The following MFN2 variants were observed in gnomAD, a reference collection of about 807,000 sequenced individuals.
MFN2 encodes mitofusin-2.
In MFN2, 43 loss-of-function variants were observed where a neutral mutation model predicts 87.5. The ratio of observed to expected loss-of-function variants is 0.49; its 90% CI spans 0.38 to 0.63. MFN2 has a LOEUF of 0.63. Among genes scored for constraint, MFN2 ranks in the 30% least tolerant of loss-of-function variants. The pLI, the probability that MFN2 is intolerant of heterozygous loss-of-function variation, is 0.00. For synonymous variants in MFN2, 337 were observed against 359.9 expected, an observed-to-expected ratio of 0.94 and a Z score of 0.72; for missense variants, 743 against 972.8, an observed-to-expected ratio of 0.76 and a Z score of 3.14.
intron 14 of MFN2, among the ~76,000 whole-genome samples, 191 bp from the exon 15 acceptor site, chr1:12,005,520 A>T (rs1639367543): frequency 6.6e-6 from 1 of 152,194 alleles, no homozygotes; most frequent in African/African-American, 2.4e-5. Context: ...CTGAGTCCAC[A>T]CTTGCCTGGG....
intron 5 of MFN2, among the ~76,000 whole-genome samples, 172 bp from the exon 6 acceptor site, chr1:11,997,125 A>G (rs1004317239): frequency 1.1e-4 from 17 of 152,194 alleles, no homozygotes; most frequent in African/African-American, 4.1e-4. Context: ...AGAGCAGTGA[A>G]GAAAGTGGGT....
At chr1:12,005,084 T>C (rs892895566) in intron 14 of MFN2, among the ~76,000 whole-genome samples, 157 bp downstream of exon 14, 1 of 152,176 alleles carries the variant, frequency 6.6e-6, no homozygotes, top group African/African-American at 2.4e-5. Context: ...TCTGAACTCA[T>C]TCTTGTTTGC....
chr1:12,008,494 C>T (rs1280571979), intron 17 of MFN2, among the ~76,000 whole-genome samples: 6 of 151,452 alleles, frequency 4.0e-5, no homozygotes, highest in South Asian at 2.1e-4. Flanking sequence ...CCGGACGGGG[C>T]GGCTGCTAGG....
At chr1:12,009,769 C>T in intron 18 of MFN2, 43 bp downstream of exon 18, 1 of 1,613,246 alleles carries the variant, frequency 6.2e-7, no homozygotes, top group Non-Finnish European at 8.5e-7. Flanking sequence ...CTCCAGGGTG[C>T]AGCCCAGGCA....
chr1:12,007,989 A>C (rs1639497032), intron 17 of MFN2, among the ~76,000 whole-genome samples: 1 of 152,054 alleles, frequency 6.6e-6, no homozygotes, highest in African/African-American at 2.4e-5. Flanking sequence ...CTGTTTAACA[A>C]AGCACACCTT....
At chr1:11,990,160 C>T (rs892267074) in intron 3 of MFN2, among the ~76,000 whole-genome samples, 1 of 152,168 alleles carries the variant, frequency 6.6e-6, no homozygotes, top group Admixed American at 6.6e-5. Context: ...GGGGGGCCAC[C>T]TTCTTTCCAT....
At chr1:11,986,023 T>C (rs1638389591) in intron 2 of MFN2, among the ~76,000 whole-genome samples, 1 of 152,182 alleles carries the variant, frequency 6.6e-6, no homozygotes, top group Non-Finnish European at 1.5e-5. Context: ...TGAGGAGGAA[T>C]GTAGAAACGG....
At chr1:12,006,812 T>TCTC in intron 16 of MFN2, 119 bp downstream of exon 16, 1 of 1,451,078 alleles carries the variant, frequency 6.9e-7, no homozygotes, top group Non-Finnish European at 9.6e-7. Context: ...CTGCATACTT[T>TCTC]CTCCTCTGTG....
At chr1:12,007,957 C>T (rs1272515894) in intron 17 of MFN2, among the ~76,000 whole-genome samples, 1 of 152,088 alleles carries the variant, frequency 6.6e-6, no homozygotes, top group Non-Finnish European at 1.5e-5. Context: ...TGACTCTTGA[C>T]AAGCATGCTG....
intron 2 of MFN2, among the ~76,000 whole-genome samples, chr1:11,987,831 G>A (rs995595977): frequency 6.6e-6 from 1 of 151,968 alleles, no homozygotes; most frequent in Non-Finnish European, 1.5e-5. Context: ...CATGCCTGTG[G>A]TCTCATGTAC....
In MFN2 at chr1:12,006,715, G is replaced by A. The variant is rs781230660; in HGVS notation, c.1872+22G>A. ...AGTGGTCAGTGACCAGTTCTGCTCG[G>A]GAAGGTGGGGGCGGAGGGCAGGTGG... is the stretch of plus-strand genomic sequence containing the variant. On this transcript the variant is annotated intron_variant, in intron 16 of 18. Coordinates refer to ENST00000235329, the MANE Select transcript of MFN2 (RefSeq NM_014874.4). 20 of 1,613,936 alleles carry A rather than the reference G, an allele frequency of 1.2e-5. No individual in the cohort carries two copies. In the Admixed American group the frequency reaches 3.0e-4, roughly 24 times the overall value.
chr1:12,006,098 G>A (rs1048028778), intron 15 of MFN2, among the ~76,000 whole-genome samples, 167 bp downstream of exon 15: 5 of 152,206 alleles, frequency 3.3e-5, no homozygotes, highest in Admixed American at 1.3e-4. Flanking sequence ...GATTGACCTG[G>A]ATTTGTTCTA....
At chr1:11,997,964 A>G (rs1422470564) in intron 6 of MFN2, among the ~76,000 whole-genome samples, 1 of 137,056 alleles carries the variant, frequency 7.3e-6, no homozygotes, top group Non-Finnish European at 1.5e-5. Context: ...GCTCACTGCA[A>G]CCTCCGCCTC....
intron 17 of MFN2, among the ~76,000 whole-genome samples, chr1:12,007,652 T>C (rs75070152): frequency 1.3e-5 from 2 of 152,164 alleles, no homozygotes; most frequent in South Asian, 4.1e-4. Context: ...GGGATGAATA[T>C]CCTCGCTTCC....
Position 12,011,616 on chromosome 1 carries a change from A to G in MFN2, c.*51A>G, listed in dbSNP as rs779026842. The G allele has an allele frequency of 1.2e-6, 2 of 1,600,116 alleles. No individual in the cohort carries two copies. Among genetic ancestry groups the G allele is most frequent in the Admixed American group, 1.7e-5 (1 of 59,980 alleles). ...GGAGAGGGGCGGTGCTGCCAGCCCT[A>G]AGTGCCATGTGGGCTCCCCCAGGGG... On this transcript the variant is annotated 3_prime_UTR_variant, in exon 19 of 19. Coordinates refer to ENST00000235329, the MANE Select transcript of MFN2 (RefSeq NM_014874.4).
chr1:12,001,940 C>A, intron 10 of MFN2, 42 bp from the exon 11 acceptor site: 1 of 1,614,140 alleles, frequency 6.2e-7, no homozygotes, highest in Non-Finnish European at 8.5e-7. Context: ...GTTGTAGGCC[C>A]CTGGTGGCCC....
intron 1 of MFN2, among the ~76,000 whole-genome samples, chr1:11,981,367 C>T (rs568016695): frequency 2.9e-4 from 44 of 152,286 alleles, no homozygotes; most frequent in African/African-American, 9.9e-4. Context: ...GCCGGGCTTG[C>T]TGGCACACGC....
At chr1:11,986,971 T>C (rs61776516) in intron 2 of MFN2, among the ~76,000 whole-genome samples, 98,735 of 152,048 alleles carry the variant, frequency 0.65, 32,466 homozygotes, top group African/African-American at 0.69. Context: ...TACAAAGATA[T>C]GTAGGATTGA....
intron 4 of MFN2, among the ~76,000 whole-genome samples, chr1:11,994,579 G>A (rs1638830937): frequency 6.6e-6 from 1 of 151,580 alleles, no homozygotes; most frequent in African/African-American, 2.4e-5. Flanking sequence ...GACGGAGTGA[G>A]ACTCCGTCTC....
Sources: allele counts gnomAD v4.1 joint callset (sites outside exome capture counted in the v4.1 genomes callset), GRCh38; gene constraint gnomAD v4.1.1; transcripts MANE v1.5; gene names NCBI Gene and HGNC (gene_info 2026-07-23, HGNC 2026-07-21).